Variants in ODAD1 observed in about 807,000 individuals in gnomAD.
ODAD1 encodes the protein outer dynein arm docking complex subunit 1, also known as outer dynein arm-docking complex subunit 1.
A neutral mutation model predicts 67.2 loss-of-function variants in ODAD1; 49 were observed. That is an observed-to-expected ratio of 0.73 (90% CI 0.58 to 0.92). The LOEUF (loss-of-function observed/expected upper bound fraction) is 0.92. ODAD1 is among the 40% of genes least tolerant of loss of function. The pLI is 0.00. For missense variants in ODAD1, 897 were observed against 953.7 expected (o/e 0.94, Z 0.78); for synonymous variants, 345 against 393.7 (o/e 0.88, Z 1.46).
At position 48,297,469 on chromosome 19, in the gene ODAD1, G is replaced by A. The variant is rs1302053483; in HGVS notation, c.1631C>T (p.Ala544Val). ...GGTGCCGTCCAGCTTCGCGGCGGCGGCGGCCAGGTCCTTCTGGCGCTGCGC... is the reference window on the plus strand; with the variant it reads ...GGTGCCGTCCAGCTTCGCGGCGGCGACGGCCAGGTCCTTCTGGCGCTGCGC... ...AEAQRQKDLA[A>V]AAAKLDGTLS... The change falls in exon 16 of 16, where the codon GCC becomes GTC. Residue 544 changes from alanine to valine, a missense_variant. Physicochemically the swap from Ala to Val is moderately conservative, Grantham distance 64. Coordinates refer to ENST00000674294, the MANE Select transcript of ODAD1 (RefSeq NM_001364171.2). 5.0e-6 allele frequency: 8 copies of A among 1,601,286 alleles called. No individual in the cohort carries two copies. The highest frequency in any genetic ancestry group is 5.9e-6 in the Non-Finnish European group (7 of 1,177,140).
rs773722354 is a variant in ODAD1, at chr19:48,296,926, A to G, written c.*50T>C. On this transcript the variant is annotated 3_prime_UTR_variant, in exon 16 of 16. Coordinates refer to ENST00000674294, the MANE Select transcript of ODAD1 (RefSeq NM_001364171.2). Reference sequence around the variant, plus strand: ...AAACAGGGGAAGTAGAGACACAAAAAAAGACCCCACAGAGAGCCAGGGCAG... The same window carrying G: ...AAACAGGGGAAGTAGAGACACAAAAGAAGACCCCACAGAGAGCCAGGGCAG... 1 of 1,501,958 alleles carries G rather than the reference A, an allele frequency of 6.7e-7. No individual in the cohort carries two copies. Among genetic ancestry groups the G allele is most frequent in the Non-Finnish European group, 8.8e-7 (1 of 1,134,030 alleles). The allele number at this position is 1,501,958 out of a possible 1,614,324, so 93.0% of individuals were successfully genotyped here. A position where few individuals can be genotyped will look rare whatever the true frequency, so the allele number is the denominator to read the frequency against.
At position 48,321,935 on chromosome 19, in the gene ODAD1, G is replaced by T; in HGVS notation, c.-321C>A. 1 of 396,156 alleles carries T rather than the reference G, an allele frequency of 2.5e-6. No individual in the cohort carries two copies. The highest frequency in any genetic ancestry group is 4.5e-6 in the Non-Finnish European group (1 of 224,448). 24.5% of individuals were successfully genotyped at this position (396,156 alleles called of 1,614,324 possible). On this transcript the variant is annotated 5_prime_UTR_variant, in exon 1 of 16. Coordinates refer to ENST00000674294, the MANE Select transcript of ODAD1 (RefSeq NM_001364171.2). The stretch of plus-strand genomic sequence containing the variant: ...GGCTTCCCGGGAAGCAGCCAAAAAC[G>T]CTTGGCCGCCTACCACGTCCGCGCG...
rs1454869699 is a variant in ODAD1 at position 48,303,026 on chromosome 19, T to TC, written c.1057dup (p.Glu353GlyfsTer19). The TC allele has an allele frequency of 6.2e-7, 1 of 1,613,962 alleles. No homozygotes were observed. The highest frequency in any genetic ancestry group is 1.1e-5 in the South Asian group (1 of 91,080). ...GGCCTCACTCACCTCCTTGATCTCT[T>TC]CCTGCACATGCTCCAGCTCCAAGTT... On this transcript the variant is annotated frameshift_variant, in exon 11 of 16. Coordinates refer to ENST00000674294, the MANE Select transcript of ODAD1 (RefSeq NM_001364171.2). LOFTEE classifies it high-confidence loss of function.
Position 48,302,775 on chromosome 19 carries a change from T to C in ODAD1, c.1159A>G (p.Met387Val), listed in dbSNP as rs764915470. The C allele has an allele frequency of 3.7e-6, 6 of 1,613,966 alleles. No homozygotes were observed. Among genetic ancestry groups the C allele is most frequent in the Non-Finnish European group, 8.5e-7 (1 of 1,180,036 alleles). The change falls in exon 12 of 16, where the codon ATG (methionine) becomes GTG (valine). Residue 387 changes from methionine (M) to valine (V), a missense_variant. By Grantham distance (21) the Met-to-Val change is conservative. Transcript: ENST00000674294. ...TCAGCCTCCGAGTGCACCTTGTCCA[T>C]GCGCTGCTGCAACACCTTCTGCTGC... ...EQQQKVLQQR[M>V]DKVHSEAERL...
chr19:48,321,696 G>A lies in ODAD1; in HGVS notation c.-82C>T, dbSNP rs1208470949. 1.0e-5 allele frequency: 4 copies of A among 395,270 alleles called. No homozygotes were observed. Among genetic ancestry groups the A allele is most frequent in the Non-Finnish European group, 1.3e-5 (3 of 224,090 alleles). 24.5% of individuals were successfully genotyped at this position (395,270 alleles called of 1,614,324 possible). ...CTAGTACCGCGGGCCTGGAAGCGGCGGGAGTTGAAAGAGCCTGCGGTGACC... is the reference window on the plus strand; with the variant it reads ...CTAGTACCGCGGGCCTGGAAGCGGCAGGAGTTGAAAGAGCCTGCGGTGACC... On this transcript the variant is annotated 5_prime_UTR_variant, in exon 1 of 16. Coordinates refer to ENST00000674294, the MANE Select transcript of ODAD1 (RefSeq NM_001364171.2).
chr19:48,317,679 C>T (rs1395249219), intron 5 of ODAD1, among the ~76,000 whole-genome samples: 1 of 147,942 alleles, frequency 6.8e-6, no homozygotes, highest in Non-Finnish European at 1.5e-5. Context: ...TCAATAGCCC[C>T]GATTTTTTTT....
At chr19:48,314,635 A>T (rs1968851434) in intron 5 of ODAD1, among the ~76,000 whole-genome samples, 1 of 152,142 alleles carries the variant, frequency 6.6e-6, no homozygotes, top group South Asian at 2.1e-4. Context: ...CAGTTGCTGC[A>T]ATAAAAGCCA....
At chr19:48,320,234 T>A in intron 3 of ODAD1, 65 bp downstream of exon 3, 1 of 1,084,126 alleles carries the variant, frequency 9.2e-7, no homozygotes, top group Non-Finnish European at 1.2e-6. Context: ...CTACAGGACC[T>A]GGAACTTGGG....
At chr19:48,317,318 G>A (rs1373206996) in intron 5 of ODAD1, among the ~76,000 whole-genome samples, 1 of 152,056 alleles carries the variant, frequency 6.6e-6, no homozygotes, top group African/African-American at 2.4e-5. Flanking sequence ...CACCTCATGA[G>A]TCATGGTCAT....
chr19:48,299,836 A>T (rs1968411968), intron 12 of ODAD1, among the ~76,000 whole-genome samples: 1 of 150,826 alleles, frequency 6.6e-6, no homozygotes, highest in African/African-American at 2.4e-5. Flanking sequence ...GAAAAAAAGG[A>T]TGCACAGGTG....
Position 48,297,169 on chromosome 19 carries a change from C to A in ODAD1, c.1931G>T (p.Ser644Ile). The change falls in exon 16 of 16, where the codon AGC (serine) becomes ATC (isoleucine). Residue 644 changes from serine (S) to isoleucine (I), a missense_variant. Physicochemically the swap from Ser to Ile is moderately radical, Grantham distance 142. Transcript: ENST00000674294. ...GHVTFRPVSA[S>I]SYLGSTGYVG... ...GTATCCAGTGGAGCCCAGGTAGCTG[C>A]TGGCGCTGACGGGTCTGAAGGTCAC... The A allele has an allele frequency of 6.2e-7, 1 of 1,614,158 alleles. No homozygotes were observed. Among genetic ancestry groups the A allele is most frequent in the African/African-American group, 1.3e-5 (1 of 75,072 alleles).
intron 5 of ODAD1, among the ~76,000 whole-genome samples, chr19:48,317,342 A>T (rs1968927342): frequency 6.6e-6 from 1 of 152,136 alleles, no homozygotes; most frequent in South Asian, 2.1e-4. Flanking sequence ...AACTTGACAG[A>T]TCACTGGCCT....
intron 7 of ODAD1, among the ~76,000 whole-genome samples, chr19:48,306,653 C>G (rs367953573): frequency 6.6e-6 from 1 of 152,084 alleles, no homozygotes; most frequent in African/African-American, 2.4e-5. Context: ...ATTTGAGAAC[C>G]TTGTTAATGT....
Position 48,308,444 on chromosome 19 carries a change from G to A in ODAD1, c.598-2121C>T, listed in dbSNP as rs963589710. 2.0e-5 allele frequency among the ~76,000 whole-genome samples: 3 copies of A among 152,152 alleles called. 1 individual carries two copies. In the East Asian group the frequency reaches 5.8e-4, roughly 29 times the overall value. ...GCCTGCCTCAGCCTCCCAAAGTGCT[G>A]GAATTACAGGCATGAGCCACCACAC... On this transcript the variant is annotated intron_variant, in intron 7 of 15. Coordinates refer to ENST00000674294, the MANE Select transcript of ODAD1 (RefSeq NM_001364171.2).
intron 3 of ODAD1, chr19:48,319,463 C>T: frequency 1.0e-6 from 1 of 984,956 alleles, no homozygotes; most frequent in African/African-American, 1.7e-5. Context: ...TGCTCCCCAT[C>T]TCCAAAGGCC....
At chr19:48,298,509 G>C (rs766249852) in intron 12 of ODAD1, among the ~76,000 whole-genome samples, 169 bp from the exon 13 acceptor site, 1 of 152,158 alleles carries the variant, frequency 6.6e-6, no homozygotes, top group Non-Finnish European at 1.5e-5. Flanking sequence ...CGGCACTGCT[G>C]TGCATCCCTC....
chr19:48,317,879 T>C (rs543492925), intron 5 of ODAD1, among the ~76,000 whole-genome samples: 78 of 152,114 alleles, frequency 5.1e-4, no homozygotes, highest in African/African-American at 1.7e-3. Flanking sequence ...AAGACCATCT[T>C]GGCTAACACA....
chr19:48,297,322 G>A lies in ODAD1; in HGVS notation c.1778C>T (p.Ser593Phe), dbSNP rs1205425414. 2.5e-6 allele frequency: 4 copies of A among 1,613,366 alleles called. No homozygotes were observed. Among genetic ancestry groups the A allele is most frequent in the Non-Finnish European group, 2.5e-6 (3 of 1,180,006 alleles). ...GCCGCCAAAAGTGACGTGGCCAAGAGAGCCACGGTCTCTGCTAGTCTTGTG... is the reference window on the plus strand; with the variant it reads ...GCCGCCAAAAGTGACGTGGCCAAGAAAGCCACGGTCTCTGCTAGTCTTGTG... ...LSHKTSRDRG[S>F]LGHVTFGGLS... The change falls in exon 16 of 16, where the codon TCT becomes TTT. Residue 593 changes from serine to phenylalanine, a missense_variant. By Grantham distance (155) the Ser-to-Phe change is radical (BLOSUM62 -2). Transcript: ENST00000674294.
rs941765082 is a variant in ODAD1, at chr19:48,297,160, A to G, written c.1940T>C (p.Leu647Pro). Reference protein sequence around the residue: ...TFRPVSASSYLGSTGYVGSSR... With the variant: ...TFRPVSASSYPGSTGYVGSSR... ...GGACCCCACGTATCCAGTGGAGCCC[A>G]GGTAGCTGCTGGCGCTGACGGGTCT... Residue 647 changes from leucine (L) to proline (P), a missense_variant, in exon 16 of 16, where the codon CTG (leucine) becomes CCG (proline). Transcript: ENST00000674294. The G allele has an allele frequency of 7.4e-6, 12 of 1,614,098 alleles. No individual in the cohort carries two copies. Among genetic ancestry groups the G allele is most frequent in the Non-Finnish European group, 1.0e-5 (12 of 1,180,002 alleles).
Sources: gnomAD v4.1 joint callset for allele counts (sites outside exome capture counted in the v4.1 genomes callset) on GRCh38, gnomAD v4.1.1 for gene constraint, MANE v1.5 for transcripts, NCBI Gene and HGNC (gene_info 2026-07-23, HGNC 2026-07-21) for gene names.